NAV1: variants seen among roughly 807,000 people sequenced by gnomAD.
NAV1 encodes the protein pore membrane and/or filament interacting like protein 3.
A neutral mutation model predicts 175.2 loss-of-function variants in NAV1; 18 were observed. The ratio of observed to expected loss-of-function variants is 0.10; its 90% CI spans 0.07 to 0.15. The LOEUF (loss-of-function observed/expected upper bound fraction) is 0.15. Among genes scored for constraint, NAV1 ranks in the 10% least tolerant of loss-of-function variants. The probability of loss-of-function intolerance (pLI) is 1.00; values close to 1 mark genes in which losing one functional copy is unlikely to be tolerated. For missense variants in NAV1, 1,731 were observed against 2,436.6 expected (o/e 0.71, Z 6.10); for synonymous variants, 897 against 978.7 (o/e 0.92, Z 1.56).
Position 201,740,432 on chromosome 1 carries a change from C to T in NAV1, c.1226+21677C>T, listed in dbSNP as rs533567038. 6.6e-6 allele frequency among the ~76,000 whole-genome samples: 1 copy of T among 152,272 alleles called. No individual in the cohort carries two copies. Among genetic ancestry groups the T allele is most frequent in the Admixed American group, 6.5e-5 (1 of 15,304 alleles). On this transcript the variant is annotated intron_variant, in intron 3 of 29. Transcript: ENST00000367296. This position sits in a 1 kb window ranked among gnomAD's most constrained non-coding sequence, Gnocchi z 4.7. ...CAACTTGATTGAACTTCGATGGTTG[C>T]GGCTGTGGCGCGTGGGGGCCCGGCC...
Position 201,641,060 on chromosome 1 carries a change from C to T in NAV1, c.5-7574C>T, listed in dbSNP as rs140981322. ...AGGCGGATTTGGCCTCAAGCGGGGC[C>T]GGGGAGAAGAGAGGACTCTAATTCT... On this transcript the variant is annotated intron_variant, in intron 2 of 29. Transcript: ENST00000367302. 4.3e-4 allele frequency among the ~76,000 whole-genome samples: 65 copies of T among 152,126 alleles called. 1 individual carries two copies. Among genetic ancestry groups the T allele is most frequent in the African/African-American group, 1.4e-3 (58 of 41,432 alleles).
intron 3 of NAV1, among the ~76,000 whole-genome samples, chr1:201,732,050 C>T (rs1181910363): frequency 1.3e-5 from 2 of 152,150 alleles, no homozygotes; most frequent in African/African-American, 4.8e-5. Context: ...CCACCCTTCC[C>T]AGCTCTGATC....
At chr1:201,647,081 G>T (rs919558654), upstream of NAV1, among the ~76,000 whole-genome samples, 3 of 152,154 alleles carry the variant, frequency 2.0e-5, no homozygotes, top group African/African-American at 7.2e-5. Context: ...CTAGAGTGTG[G>T]CTCCACCTGG....
In NAV1 at chr1:201,626,539, TC is replaced by T. The variant is rs1210533319; in HGVS notation, c.-100-2861del. Among the ~76,000 whole-genome samples, 5 of 152,242 alleles carry T rather than the reference TC, an allele frequency of 3.3e-5. No individual in the cohort carries two copies. The East Asian group carries it at 9.6e-4, about 29-fold the overall frequency. ...CCCTTTGGACCCAGAGAAGGTGCAA[TC>T]CCCTGTCCGCTCTCAGGAGACCCTG... On this transcript the variant is annotated intron_variant, in intron 1 of 29. Coordinates refer to the NAV1 transcript ENST00000367302.
intron 2 of NAV1, among the ~76,000 whole-genome samples, chr1:201,642,167 C>CCGTCCGTCCGT (rs1668780257): frequency 8.6e-6 from 1 of 116,446 alleles, no homozygotes; most frequent in Admixed American, 1.0e-4. Context: ...TCTCTCCCCT[C>CCGTCCGTCCGT]CCTTCCTTCC....
intron 1 of NAV1, among the ~76,000 whole-genome samples, chr1:201,689,309 C>A (rs986148570): frequency 2.0e-5 from 3 of 152,208 alleles, no homozygotes; most frequent in African/African-American, 7.2e-5. Context: ...TGCATCTAGG[C>A]CGCTACAGGA....
exon 15 of NAV1, chr1:201,794,563 A>T: frequency 6.2e-7 from 1 of 1,613,816 alleles, no homozygotes; most frequent in Non-Finnish European, 8.5e-7. Context: ...AATGCCTCAG[A>T]AACCACACCC....
chr1:201,759,125 CT>C (rs1192675544), intron 3 of NAV1, among the ~76,000 whole-genome samples: 1 of 152,136 alleles, frequency 6.6e-6, no homozygotes, highest in East Asian at 1.9e-4. Flanking sequence ...ATGTTCCCCC[CT>C]CCCAAAAAAA....
At chr1:201,791,753 A>G (rs1053164980) in intron 13 of NAV1, 2 of 152,136 alleles carry the variant, frequency 1.3e-5, no homozygotes, top group Admixed American at 6.5e-5. Flanking sequence ...CCCTCACCAC[A>G]CTAGTTATTC....
intron 15 of NAV1, among the ~76,000 whole-genome samples, chr1:201,802,806 A>G (rs1678022002): frequency 6.6e-6 from 1 of 151,920 alleles, no homozygotes; most frequent in Non-Finnish European, 1.5e-5. Flanking sequence ...AAAAGGAAAA[A>G]AGACATTGAG....
chr1:201,713,887 G>A (rs551611830), intron 2 of NAV1, among the ~76,000 whole-genome samples: 2 of 152,256 alleles, frequency 1.3e-5, no homozygotes, highest in African/African-American at 2.4e-5. Flanking sequence ...CTGAGGATGG[G>A]ACCACACCCA....
At chr1:201,561,980 T>G (rs989854829) in intron 1 of NAV1, among the ~76,000 whole-genome samples, 1 of 152,188 alleles carries the variant, frequency 6.6e-6, no homozygotes, top group East Asian at 1.9e-4. Flanking sequence ...GTTCTGAAGG[T>G]ATTTTTTATT....
rs888799188 is a variant in NAV1, at chr1:201,808,960, C to T, written c.4207+89C>T. On this transcript the variant is annotated intron_variant, in intron 20 of 29. Transcript: ENST00000367296. This position sits in a 1 kb window ranked among gnomAD's most constrained non-coding sequence, Gnocchi z 5.5. ...ACCATTCCACTTGCTTTGGTCAGGGCGGTAACAATGCCGAAGCCAAGCAGA... is the reference window on the plus strand; with the variant it reads ...ACCATTCCACTTGCTTTGGTCAGGGTGGTAACAATGCCGAAGCCAAGCAGA... 53 of 1,496,840 alleles carry T rather than the reference C, an allele frequency of 3.5e-5. No homozygotes were observed. The highest frequency in any genetic ancestry group is 2.3e-5 in the East Asian group (1 of 44,100). 92.7% of individuals were successfully genotyped at this position (1,496,840 alleles called of 1,614,324 possible).
chr1:201,740,114 G>T lies in NAV1; in HGVS notation c.1226+21359G>T, dbSNP rs1245534625. 1.7e-5 allele frequency: 24 copies of T among 1,408,984 alleles called. No individual in the cohort carries two copies. Among genetic ancestry groups the T allele is most frequent in the Non-Finnish European group, 1.9e-5 (21 of 1,078,902 alleles). The allele number at this position is 1,408,984 out of a possible 1,614,324, so 87.3% of individuals were successfully genotyped here. ...ACCCCCCTGGCCTCACCGCCAGACC[G>T]CAGAGCTGGGGTCGGGTTTGTGGCA... On this transcript the variant is annotated intron_variant, in intron 3 of 29. Coordinates refer to ENST00000367296, the Ensembl canonical transcript of NAV1. The surrounding 1 kb of genome is among the most constrained non-coding windows in gnomAD (Gnocchi z 4.7).
chr1:201,607,302 A>C (rs1667713463), intron 2 of NAV1, among the ~76,000 whole-genome samples: 2 of 151,580 alleles, frequency 1.3e-5, no homozygotes, highest in South Asian at 4.2e-4. Flanking sequence ...TTTTGTAGAG[A>C]TGGGGTTTCA....
Position 201,807,911 on chromosome 1 carries a change from T to C in NAV1, c.3649-42T>C. The C allele has an allele frequency of 6.3e-7, 1 of 1,592,968 alleles. No homozygotes were observed. The highest frequency in any genetic ancestry group is 8.6e-7 in the Non-Finnish European group (1 of 1,161,448). On this transcript the variant is annotated intron_variant, in intron 17 of 29. Transcript: ENST00000367296. This position sits in a 1 kb window ranked among gnomAD's most constrained non-coding sequence, Gnocchi z 5.4. ...ATCCAGTCCTCCCCCATCCCAGTAG[T>C]GGAGTCCTAATGTCCCTCTACCTGG...
intron 8 of NAV1, among the ~76,000 whole-genome samples, chr1:201,785,989 C>T (rs552488028): frequency 1.3e-5 from 2 of 152,050 alleles, no homozygotes; most frequent in Non-Finnish European, 1.5e-5. Flanking sequence ...GATGGGGTTT[C>T]ACCATGTTGG....
chr1:201,795,750 T>TC (rs1429480214), intron 15 of NAV1: 1 of 143,776 alleles, frequency 7.0e-6, no homozygotes, highest in East Asian at 2.0e-4. Flanking sequence ...TTATTTTCCT[T>TC]TTTTTTTTTT....
intron 1 of NAV1, among the ~76,000 whole-genome samples, chr1:201,651,137 G>GTA (rs1669187462): frequency 6.6e-6 from 1 of 150,976 alleles, no homozygotes; most frequent in South Asian, 2.1e-4. Flanking sequence ...GTGTGTGTGT[G>GTA]TGTGTGTGTG....
Sources: gnomAD v4.1 joint callset for allele counts (sites outside exome capture counted in the v4.1 genomes callset) on GRCh38, gnomAD v4.1.1 for gene constraint, Gnocchi (gnomAD v3.1) non-coding constraint, MANE v1.5 for transcripts, NCBI Gene and HGNC (gene_info 2026-07-23, HGNC 2026-07-21) for gene names.